Variants in BCAS3 observed in about 807,000 individuals in gnomAD.
BCAS3 encodes the protein BCAS4/BCAS3 fusion.
Under a neutral mutation model 116.1 loss-of-function variants are expected in BCAS3, and 53 were observed. That is an observed-to-expected ratio of 0.46 (90% CI 0.37 to 0.57). BCAS3 has a LOEUF of 0.57. BCAS3 is among the 20% of genes least tolerant of loss of function. The pLI is 0.00. For synonymous variants in BCAS3, 391 were observed against 408.2 expected, an observed-to-expected ratio of 0.96 and a Z score of 0.51; for missense variants, 917 against 1,165.4, an observed-to-expected ratio of 0.79 and a Z score of 3.10.
rs1370590313 is a variant in BCAS3 at position 61,292,012 on chromosome 17, CTA to C, written c.2426-76312_2426-76311del. Among the ~76,000 whole-genome samples the C allele has an allele frequency of 2.0e-5, 3 of 152,186 alleles. No homozygotes were observed. In the East Asian group the frequency reaches 5.8e-4, roughly 29 times the overall value. ...AGTGTTTTATTAGGAGAGAACAACTCTATAAAAGGAACAAGAGGTTCAATCAT... is the reference window on the plus strand; with the variant it reads ...AGTGTTTTATTAGGAGAGAACAACTCTAAAAGGAACAAGAGGTTCAATCAT... On this transcript the variant is annotated intron_variant, in intron 22 of 23. Coordinates refer to ENST00000407086, the MANE Select transcript of BCAS3 (RefSeq NM_017679.5).
At chr17:61,085,062 A>G (rs755726925) in intron 22 of BCAS3, among the ~76,000 whole-genome samples, 1 of 152,212 alleles carries the variant, frequency 6.6e-6, no homozygotes, top group Non-Finnish European at 1.5e-5. Flanking sequence ...TTAATTTCCT[A>G]TCCTTGGAAA....
chr17:61,037,935 C>T lies in BCAS3; in HGVS notation c.1809C>T (p.Cys603=), dbSNP rs777756600. The T allele has an allele frequency of 6.2e-7, 1 of 1,614,102 alleles. No individual in the cohort carries two copies. Among genetic ancestry groups the T allele is most frequent in the South Asian group, 1.1e-5 (1 of 91,082 alleles). ...TTGAGTCCCTGTACATTATCAGTTG[C>T]TATGGCACCTTAGTGGAACACATGA... ...VVVESLYIIS[C]YGTLVEHMME... The change falls in exon 18 of 24, where the codon TGC becomes TGT. Residue 603 remains cysteine, a synonymous_variant. Coordinates refer to ENST00000407086, the MANE Select transcript of BCAS3 (RefSeq NM_017679.5). The surrounding 1 kb of genome is among the most constrained non-coding windows in gnomAD (Gnocchi z 4.7).
chr17:61,071,434 T>G (rs1461692386), intron 19 of BCAS3, among the ~76,000 whole-genome samples: 2 of 152,218 alleles, frequency 1.3e-5, no homozygotes, highest in Admixed American at 1.3e-4. Flanking sequence ...ATAATGCAGC[T>G]CTCAAATTTT....
chr17:61,064,261 G>A (rs993180298), intron 19 of BCAS3, among the ~76,000 whole-genome samples: 3 of 152,104 alleles, frequency 2.0e-5, no homozygotes, highest in African/African-American at 7.2e-5. Flanking sequence ...GATCATGCCT[G>A]TGAATAGCCA....
chr17:61,010,068 CTTTTTTT>C (rs1189821266), intron 15 of BCAS3, among the ~76,000 whole-genome samples: 6 of 111,026 alleles, frequency 5.4e-5, no homozygotes, highest in African/African-American at 1.0e-4. Flanking sequence ...CAGACTCTGT[CTTTTTTT>C]TTTTTTTTTT....
In BCAS3 at chr17:61,246,471, G is replaced by GAAA. The variant is rs1007852809; in HGVS notation, c.2426-121832_2426-121830dup. Among the ~76,000 whole-genome samples the GAAA allele has an allele frequency of 1.8e-3, 59 of 33,440 alleles. 2 individuals are homozygous for GAAA. The highest frequency in any genetic ancestry group is 4.1e-3 in the East Asian group (4 of 974). 21.9% of individuals were successfully genotyped at this position (33,440 alleles called of 152,430 possible). ...TGGGTAACAGAGCAAGACTGTCTCA[G>GAAA]AAAAAAAAAAAAAAAAAAAAAAAAA... On this transcript the variant is annotated intron_variant, in intron 22 of 23. Coordinates refer to ENST00000407086, the MANE Select transcript of BCAS3 (RefSeq NM_017679.5).
intron 7 of BCAS3, among the ~76,000 whole-genome samples, chr17:60,844,841 G>A (rs1325251234): frequency 3.3e-5 from 5 of 152,208 alleles, no homozygotes; most frequent in African/African-American, 1.2e-4. Context: ...ATAGAGCCAA[G>A]TAGATAGAAT....
intron 22 of BCAS3, among the ~76,000 whole-genome samples, chr17:61,110,772 G>C (rs1601320608): frequency 6.6e-6 from 1 of 152,214 alleles, no homozygotes; most frequent in East Asian, 1.9e-4. Context: ...GCCTCTGTAG[G>C]CTCCACCTCT....
At chr17:61,290,393 A>G (rs1255902352) in intron 22 of BCAS3, among the ~76,000 whole-genome samples, 4 of 152,208 alleles carry the variant, frequency 2.6e-5, no homozygotes, top group Non-Finnish European at 5.9e-5. Context: ...GTTATTTGTT[A>G]AAGCTGGCAG....
At chr17:60,925,959 G>A (rs559546460) in intron 13 of BCAS3, among the ~76,000 whole-genome samples, 2 of 152,044 alleles carry the variant, frequency 1.3e-5, no homozygotes, top group South Asian at 4.2e-4. Context: ...TATACACATA[G>A]CCTGAAGGTG....
intron 22 of BCAS3, chr17:61,086,699 G>A (rs935228774): frequency 1.0e-6 from 1 of 985,152 alleles, no homozygotes; most frequent in Non-Finnish European, 1.2e-6. Context: ...ATTTTTCTAG[G>A]CCTGTTTTCA....
In BCAS3 at chr17:61,391,685, G is replaced by T; in HGVS notation, c.2594-292G>T. The T allele has an allele frequency of 2.4e-6, 1 of 415,972 alleles. No individual in the cohort carries two copies. Among genetic ancestry groups the T allele is most frequent in the Non-Finnish European group, 4.4e-6 (1 of 226,694 alleles). The allele number at this position is 415,972 out of a possible 1,614,324, so 25.8% of individuals were successfully genotyped here. A position where few individuals can be genotyped will look rare whatever the true frequency, so the allele number is the denominator to read the frequency against. On this transcript the variant is annotated intron_variant, in intron 23 of 23. Coordinates refer to ENST00000407086, the MANE Select transcript of BCAS3 (RefSeq NM_017679.5). This position sits in a 1 kb window ranked among gnomAD's most constrained non-coding sequence, Gnocchi z 7.7. ...GTACGGGCTCATGAAGAGCTGTGTA[G>T]TCCACACACATCGTCAGGGTGGCCG...
intron 7 of BCAS3, among the ~76,000 whole-genome samples, chr17:60,863,785 C>T (rs2054363990): frequency 6.6e-6 from 1 of 151,968 alleles, no homozygotes. Context: ...ACTATAGTCT[C>T]TTAAGTGTAT....
At chr17:61,306,293 C>T (rs138142235) in intron 22 of BCAS3, among the ~76,000 whole-genome samples, 10 of 152,260 alleles carry the variant, frequency 6.6e-5, no homozygotes, top group African/African-American at 1.9e-4. Context: ...ATCAACACTT[C>T]GCTTACAAAT....
rs1276554361 is a variant in BCAS3 at position 61,278,357 on chromosome 17, G to A, written c.2426-89970G>A. Among the ~76,000 whole-genome samples the A allele has an allele frequency of 6.6e-6, 1 of 151,984 alleles. No individual in the cohort carries two copies. The highest frequency in any genetic ancestry group is 1.5e-5 in the Non-Finnish European group (1 of 67,992). On this transcript the variant is annotated intron_variant, in intron 22 of 23. Transcript: ENST00000407086. This position sits in a 1 kb window ranked among gnomAD's most constrained non-coding sequence, Gnocchi z 5.8. ...TTCCCAGATAATTTTTGTGTTTTTTGTAGAGACAGGGTTTCGCCATGTTCC... is the reference window on the plus strand; with the variant it reads ...TTCCCAGATAATTTTTGTGTTTTTTATAGAGACAGGGTTTCGCCATGTTCC...
chr17:61,343,766 A>C lies in BCAS3; in HGVS notation c.2426-24561A>C, dbSNP rs2057332811. On this transcript the variant is annotated intron_variant, in intron 22 of 23. Coordinates refer to ENST00000407086, the MANE Select transcript of BCAS3 (RefSeq NM_017679.5). The surrounding 1 kb of genome is among the most constrained non-coding windows in gnomAD (Gnocchi z 5.5). ...CTCTGTCTAAGTCAAAAGCAGCTTA[A>C]TTCCTCTAAAAACAGTGCCCGTTGG... Among the ~76,000 whole-genome samples, 1 of 152,240 alleles carries C rather than the reference A, an allele frequency of 6.6e-6. No individual in the cohort carries two copies. Among genetic ancestry groups the C allele is most frequent in the Non-Finnish European group, 1.5e-5 (1 of 68,042 alleles).
intron 13 of BCAS3, among the ~76,000 whole-genome samples, chr17:60,946,364 CT>C (rs2060496376): frequency 6.6e-6 from 1 of 151,988 alleles, no homozygotes. Flanking sequence ...AATTATGAAA[CT>C]TTTACAAGGA....
intron 23 of BCAS3, among the ~76,000 whole-genome samples, chr17:61,375,709 A>C (rs1455354363): frequency 6.6e-6 from 1 of 151,456 alleles, no homozygotes; most frequent in Non-Finnish European, 1.5e-5. Flanking sequence ...GGTAGCGTGG[A>C]TTACAGGCAT....
At chr17:60,782,275 T>G (rs2045902790) in intron 6 of BCAS3, among the ~76,000 whole-genome samples, 1 of 152,182 alleles carries the variant, frequency 6.6e-6, no homozygotes, top group South Asian at 2.1e-4. Context: ...TTTATGTTAT[T>G]TTACCAACTT....
Sources: gnomAD v4.1 joint callset for allele counts (sites outside exome capture counted in the v4.1 genomes callset) on GRCh38, gnomAD v4.1.1 for gene constraint, Gnocchi (gnomAD v3.1) non-coding constraint, MANE v1.5 for transcripts, NCBI Gene and HGNC (gene_info 2026-07-23, HGNC 2026-07-21) for gene names.